Variants in BRCA2 observed in about 807,000 individuals in gnomAD.
BRCA2 encodes the protein BRCA2 DNA repair associated.
In BRCA2, 203 loss-of-function variants were observed where a neutral mutation model predicts 276.7. The ratio of observed to expected loss-of-function variants is 0.73; its 90% CI spans 0.65 to 0.82. The LOEUF (loss-of-function observed/expected upper bound fraction) is 0.82, where lower values mean the gene tolerates loss of function less well. Ranked by LOEUF, BRCA2 falls within the 40% of genes least tolerant of loss-of-function variation. The pLI, the probability that BRCA2 is intolerant of heterozygous loss-of-function variation, is 0.00. For synonymous variants in BRCA2, 1,289 were observed against 1,338.4 expected, an observed-to-expected ratio of 0.96 and a Z score of 0.81; for missense variants, 3,920 against 3,915.0, an observed-to-expected ratio of 1.00 and a Z score of -0.03.
intron 24 of BRCA2, among the ~76,000 whole-genome samples, chr13:32,389,699 T>C (rs969281863): frequency 6.6e-6 from 1 of 152,218 alleles, no homozygotes; most frequent in African/African-American, 2.4e-5. Flanking sequence ...GGGTTTATTG[T>C]GACATAACCC....
rs80358683 is a variant in BRCA2, at chr13:32,338,880, C to T, written c.4525C>T (p.Gln1509Ter). 1.9e-6 allele frequency: 3 copies of T among 1,613,932 alleles called. No individual in the cohort carries two copies. The highest frequency in any genetic ancestry group is 2.5e-6 in the Non-Finnish European group (3 of 1,179,930). Residue 1509 changes from glutamine to a stop codon, truncating the protein, a stop_gained, in exon 11 of 27, where the codon CAA becomes TAA. Transcript: ENST00000380152. LOFTEE classifies it high-confidence loss of function. ...AAATCAACTAGTGACCTTCCAGGGA[C>T]AACCCGAACGTGATGAAAAGATCAA... ...TGNQLVTFQG[Q>*]PERDEKIKEP... is the part of the protein sequence containing the mutation.
At position 32,370,541 on chromosome 13, in the gene BRCA2, G is replaced by T; in HGVS notation, c.8471G>T (p.Arg2824Ile). 6.2e-7 allele frequency: 1 copy of T among 1,613,346 alleles called. No individual in the cohort carries two copies. The highest frequency in any genetic ancestry group is 1.1e-5 in the South Asian group (1 of 91,054). The part of the protein sequence containing the change: ...NVGCVDVIIQ[R>I]AYPIQWMEKT... ...GGTTGTGTTGATGTAATTATTCAAA[G>T]AGCATACCCTATACAGGTATGATGT... is the stretch of plus-strand genomic sequence containing the variant. The change falls in exon 19 of 27, where the codon AGA becomes ATA. Residue 2824 changes from arginine to isoleucine, a missense_variant. Around this residue, in one of 2 missense-constraint regions of BRCA2, gnomAD observed 657 missense variants for 758.2 expected, o/e 0.87. Transcript: ENST00000380152.
rs34351119 is a variant in BRCA2 at position 32,339,773 on chromosome 13, A to G, written c.5418A>G (p.Glu1806=). Residue 1806 remains glutamate, a synonymous_variant, in exon 11 of 27, where the codon GAA becomes GAG. Transcript: ENST00000380152. The stretch of plus-strand genomic sequence containing the variant: ...ATGCATACCCACAAACTGTAAATGA[A>G]GATATTTGCGTTGAGGAACTTGTGA... ...DANAYPQTVN[E]DICVEELVTS... 1.3e-3 allele frequency: 2,137 copies of G among 1,613,910 alleles called. 23 individuals are homozygous for G. The African/African-American group carries it at 0.025, about 19-fold the overall frequency.
chr13:32,344,591 A>C lies in BRCA2; in HGVS notation c.6875A>C (p.Glu2292Ala), dbSNP rs397507378. 1.9e-6 allele frequency: 3 copies of C among 1,577,410 alleles called. No individual in the cohort carries two copies. The East Asian group carries it at 6.7e-5, about 35-fold the overall frequency. ...EPSIKRNLLN[E>A]FDRIIENQEK... ...TCAATCAAAAGAAACTTATTAAATG[A>C]ATTTGACAGGATAATAGAAAATCAA... The change falls in exon 12 of 27, where the codon GAA becomes GCA. Residue 2292 changes from glutamate to alanine, a missense_variant. Physicochemically the swap from Glu to Ala is moderately radical, Grantham distance 107. Around this residue, in one of 2 missense-constraint regions of BRCA2, gnomAD observed 3,263 missense variants for 3,156.9 expected, o/e 1.03. Coordinates refer to ENST00000380152, the MANE Select transcript of BRCA2 (RefSeq NM_000059.4).
chr13:32,361,638 C>G (rs2072738261), intron 16 of BRCA2, among the ~76,000 whole-genome samples: 1 of 152,028 alleles, frequency 6.6e-6, no homozygotes, highest in Non-Finnish European at 1.5e-5. Flanking sequence ...TTGTAGGCAG[C>G]AAGGGGTAGG....
Position 32,337,717 on chromosome 13 carries a change from C to G in BRCA2, c.3362C>G (p.Ser1121Ter), listed in dbSNP as rs80358579. Residue 1121 changes from serine to a stop codon, truncating the protein, a stop_gained, in exon 11 of 27, where the codon TCA (serine) becomes TGA (stop). Transcript: ENST00000380152. LOFTEE classifies it high-confidence loss of function. The part of the protein sequence containing the change: ...ITELSTILEE[S>*]GSQFEFTQFR... ...GAACTTTCTACTATATTAGAAGAAT[C>G]AGGAAGTCAGTTTGAATTTACTCAG... The G allele has an allele frequency of 1.9e-6, 3 of 1,613,062 alleles. No individual in the cohort carries two copies. In the South Asian group the frequency reaches 3.3e-5, roughly 18 times the overall value.
intron 16 of BRCA2, 137 bp downstream of exon 16, chr13:32,358,066 G>A: frequency 1.1e-6 from 1 of 887,270 alleles, no homozygotes; most frequent in South Asian, 1.5e-5. Context: ...GTGCATTATG[G>A]TTAAGCATTC....
intron 4 of BRCA2, 128 bp downstream of exon 4, chr13:32,325,312 T>C (rs1254605781): frequency 7.4e-6 from 5 of 671,190 alleles, no homozygotes; most frequent in Non-Finnish European, 1.3e-5. Context: ...TCTTACATTT[T>C]TAAATAATCT....
intron 11 of BRCA2, among the ~76,000 whole-genome samples, chr13:32,342,075 C>T (rs1393945827): frequency 2.0e-5 from 3 of 151,974 alleles, no homozygotes; most frequent in South Asian, 4.2e-4. Context: ...AGTTTGAGAC[C>T]AGCCTGACCA....
In BRCA2 at chr13:32,376,741, G is replaced by A. The variant is rs1555288163; in HGVS notation, c.8704G>A (p.Ala2902Thr). 5 of 1,614,148 alleles carry A rather than the reference G, an allele frequency of 3.1e-6. No homozygotes were observed. The highest frequency in any genetic ancestry group is 4.2e-6 in the Non-Finnish European group (5 of 1,180,016). Reference sequence around the variant, plus strand: ...GCAAGTTCGTGCTTTGCAAGATGGTGCAGAGCTTTATGAAGCAGTGAAGAA... The same window carrying A: ...GCAAGTTCGTGCTTTGCAAGATGGTACAGAGCTTTATGAAGCAGTGAAGAA... ...RQQVRALQDG[A>T]ELYEAVKNAA... Residue 2902 changes from alanine to threonine, a missense_variant, in exon 21 of 27, where the codon GCA becomes ACA. Transcript: ENST00000380152.
intron 13 of BRCA2, among the ~76,000 whole-genome samples, chr13:32,347,998 T>G (rs1018459154): frequency 6.6e-6 from 1 of 151,982 alleles, no homozygotes; most frequent in Non-Finnish European, 1.5e-5. Flanking sequence ...CTAGAGGAAA[T>G]CGACTATGAA....
intron 20 of BRCA2, chr13:32,375,494 T>C (rs575295385): frequency 2.4e-5 from 8 of 339,836 alleles, no homozygotes; most frequent in African/African-American, 1.5e-4. Context: ...TTCTGGAAGG[T>C]TTTCAATTCA....
intron 3 of BRCA2, among the ~76,000 whole-genome samples, chr13:32,320,776 G>C (rs541958242): frequency 2.0e-5 from 3 of 152,316 alleles, no homozygotes; most frequent in African/African-American, 7.2e-5. Context: ...AATATTTGTA[G>C]AGTGAGTATT....
Position 32,338,512 on chromosome 13 carries a change from A to T in BRCA2, c.4157A>T (p.Asp1386Val), listed in dbSNP as rs431825316. Reference sequence around the variant, plus strand: ...ACTCAGATTAAAGAAGATTTGTCAGATTTAACTTTTTTGGAAGTTGCGAAA... The same window carrying T: ...ACTCAGATTAAAGAAGATTTGTCAGTTTTAACTTTTTTGGAAGTTGCGAAA... The part of the protein sequence containing the change: ...GNTQIKEDLS[D>V]LTFLEVAKAQ... Residue 1386 changes from aspartate (D) to valine (V), a missense_variant, in exon 11 of 27, where the codon GAT (aspartate) becomes GTT (valine). This residue lies in a region of BRCA2 where 3,263 missense variants were observed against 3,156.9 expected (regional missense o/e 1.03). Transcript: ENST00000380152. 6.2e-7 allele frequency: 1 copy of T among 1,604,470 alleles called. No individual in the cohort carries two copies. Among genetic ancestry groups the T allele is most frequent in the Admixed American group, 1.7e-5 (1 of 57,482 alleles).
At chr13:32,326,647 G>C in intron 7 of BRCA2, 34 bp downstream of exon 7, 1 of 1,477,744 alleles carries the variant, frequency 6.8e-7, no homozygotes, top group Non-Finnish European at 9.4e-7. Context: ...ACAAGAAAGA[G>C]CAGATGAGGT....
chr13:32,360,081 A>G (rs1292689636), intron 16 of BRCA2, among the ~76,000 whole-genome samples: 8 of 152,202 alleles, frequency 5.3e-5, no homozygotes, highest in Admixed American at 5.2e-4. Context: ...TCTAATAAGT[A>G]GTTAGGAAGG....
At chr13:32,324,951 T>C (rs888509499) in intron 3 of BRCA2, 125 bp from the exon 4 acceptor site, 11 of 702,978 alleles carry the variant, frequency 1.6e-5, no homozygotes, top group Non-Finnish European at 2.7e-5. Context: ...AAACCTCTTC[T>C]TACAACTCCC....
rs587781800 is a variant in BRCA2, at chr13:32,379,396, A to G, written c.8834A>G (p.Gln2945Arg). 1.7e-5 allele frequency: 27 copies of G among 1,613,906 alleles called. No individual in the cohort carries two copies. Among genetic ancestry groups the G allele is most frequent in the East Asian group, 2.2e-5 (1 of 44,848 alleles). The change falls in exon 22 of 27, where the codon CAG (glutamine) becomes CGG (arginine). Residue 2945 changes from glutamine to arginine, a missense_variant. Transcript: ENST00000380152. ...AATGATAAGAAACAAGCTCAGATCC[A>G]GTTGGAAATTAGGAAGGCCATGGAA... ...MLNDKKQAQIQLEIRKAMESA... is the reference protein window; with the variant it reads ...MLNDKKQAQIRLEIRKAMESA...
At position 32,322,152 on chromosome 13, in the gene BRCA2, C is replaced by T. The variant is rs11571596; in HGVS notation, c.316+2827C>T. Among the ~76,000 whole-genome samples, 1,136 of 152,340 alleles carry T rather than the reference C, an allele frequency of 7.5e-3. 19 individuals are homozygous for T. The highest frequency in any genetic ancestry group is 0.026 in the African/African-American group (1,091 of 41,568). ...TCCCGAGTTCCACCTGCTCACCCAT[C>T]CCTCCTCCTGAGCCCCTGGCAGCCA... On this transcript the variant is annotated intron_variant, in intron 3 of 26. Coordinates refer to ENST00000380152, the MANE Select transcript of BRCA2 (RefSeq NM_000059.4).
Sources: allele counts gnomAD v4.1 joint callset (sites outside exome capture counted in the v4.1 genomes callset), GRCh38; gene constraint gnomAD v4.1.1; regional missense constraint gnomAD v4.1.1; transcripts MANE v1.5; gene names NCBI Gene and HGNC (gene_info 2026-07-23, HGNC 2026-07-21).